OCRL: variants seen among roughly 807,000 people sequenced by gnomAD.
The protein encoded by OCRL is OCRL inositol polyphosphate-5-phosphatase.
Under a neutral mutation model 78.9 loss-of-function variants are expected in OCRL, and 8 were observed. The observed-to-expected ratio is 0.10, with a 90% CI of 0.06 to 0.18. The LOEUF is 0.18. Ranked by LOEUF, OCRL falls within the 10% of genes least tolerant of loss-of-function variation. OCRL has a pLI of 1.00. For missense variants in OCRL, 454 were observed against 696.7 expected (o/e 0.65, Z 3.92); for synonymous variants, 240 against 235.4 (o/e 1.02, Z -0.18).
chrX:129,540,369 G>A lies in OCRL; in HGVS notation c.-71G>A. 1 of 1,073,937 alleles carries A rather than the reference G, an allele frequency of 9.3e-7. No individual in the cohort carries two copies. The highest frequency in any genetic ancestry group is 1.3e-6 in the Non-Finnish European group (1 of 798,993). The allele number at this position is 1,073,937 out of a possible 1,213,427, so 88.5% of individuals were successfully genotyped here. A position where few individuals can be genotyped will look rare whatever the true frequency, so the allele number is the denominator to read the frequency against. On this transcript the variant is annotated 5_prime_UTR_variant, in exon 1 of 24. Transcript: ENST00000371113. Reference sequence around the variant, plus strand: ...ACACGCAGCCGAGGTGGGTGGGTGTGGGGACGCGGGAGCCAGTGTCGTCGG... The same window carrying A: ...ACACGCAGCCGAGGTGGGTGGGTGTAGGGACGCGGGAGCCAGTGTCGTCGG...
chrX:129,570,700 G>A (rs773650351), intron 15 of OCRL, among the ~76,000 whole-genome samples: 27 of 112,494 alleles, frequency 2.4e-4, no homozygotes, highest in African/African-American at 7.7e-4. Flanking sequence ...CTGTGTGGCA[G>A]GGACTATGTG....
intron 18 of OCRL, among the ~76,000 whole-genome samples, chrX:129,580,129 C>T (rs1489268983): frequency 8.9e-6 from 1 of 112,458 alleles, no homozygotes; most frequent in African/African-American, 3.2e-5. Flanking sequence ...ATACATGTAA[C>T]ATTAACATGA....
intron 18 of OCRL, among the ~76,000 whole-genome samples, chrX:129,580,088 A>G (rs1266055746): frequency 8.9e-6 from 1 of 112,632 alleles, no homozygotes; most frequent in Non-Finnish European, 1.9e-5. Context: ...AGAAATCAGA[A>G]TCAGCCTGTT....
At chrX:129,576,743 G>C (rs920739647) in intron 18 of OCRL, among the ~76,000 whole-genome samples, 191 bp downstream of exon 18, 2 of 111,917 alleles carry the variant, frequency 1.8e-5, no homozygotes, top group African/African-American at 6.5e-5. Flanking sequence ...CTAATCTGCA[G>C]TTGGCTCTTG....
rs765519359 is a variant in OCRL at position 129,569,247 on chromosome X, CG to C, written c.1467-16del. ...TGTGTGATATGTTCTCTTTATAACT[CG>C]TTTCTTTACTTACAGTGGGAAATGC... On this transcript the variant is annotated splice_polypyrimidine_tract_variant and intron_variant, in intron 14 of 23. Transcript: ENST00000371113. The C allele has an allele frequency of 3.3e-6, 4 of 1,207,594 alleles. No homozygotes were observed. The African/African-American group carries it at 7.0e-5, about 21-fold the overall frequency.
rs951476139 is a variant in OCRL, at chrX:129,575,265, A to G, written c.1713+15A>G. On this transcript the variant is annotated intron_variant, in intron 16 of 23. Coordinates refer to ENST00000371113, the MANE Select transcript of OCRL (RefSeq NM_000276.4). ...GCAGGAGGGAGGTGAGCAAAAATACATGATCTCCCTGTCTACTGCTCACTG... is the reference window on the plus strand; with the variant it reads ...GCAGGAGGGAGGTGAGCAAAAATACGTGATCTCCCTGTCTACTGCTCACTG... The G allele has an allele frequency of 3.9e-6, 4 of 1,025,645 alleles. No individual in the cohort carries two copies. Among genetic ancestry groups the G allele is most frequent in the Non-Finnish European group, 5.5e-6 (4 of 726,145 alleles). The allele number at this position is 1,025,645 out of a possible 1,213,427, so 84.5% of individuals were successfully genotyped here.
In OCRL at chrX:129,558,828, T is replaced by A; in HGVS notation, c.561-12T>A. ...AACAATTTTACTTTTGAATCTCTCA[T>A]TTATTTGCTAGGCTTCCACGTGAAA... On this transcript the variant is annotated splice_polypyrimidine_tract_variant and intron_variant, in intron 7 of 23. Coordinates refer to ENST00000371113, the MANE Select transcript of OCRL (RefSeq NM_000276.4). 8.2e-7 allele frequency: 1 copy of A among 1,212,178 alleles called. No homozygotes were observed. Among genetic ancestry groups the A allele is most frequent in the Non-Finnish European group, 1.1e-6 (1 of 895,505 alleles).
At chrX:129,586,719 C>A in intron 19 of OCRL, 2 of 432,474 alleles carry the variant, frequency 4.6e-6, no homozygotes, top group Non-Finnish European at 8.7e-6. Context: ...TCAGTGTCAC[C>A]TTTGAAAGGA....
At chrX:129,549,654 G>A (rs1023320143) in intron 4 of OCRL, 3 of 111,965 alleles carry the variant, frequency 2.7e-5, no homozygotes, top group Non-Finnish European at 5.6e-5. Context: ...TTAGAAAGGA[G>A]AAGGCAAAAA....
intron 15 of OCRL, among the ~76,000 whole-genome samples, chrX:129,570,784 A>G (rs1406191349): frequency 8.9e-6 from 1 of 112,554 alleles, no homozygotes; most frequent in Non-Finnish European, 1.9e-5. Flanking sequence ...CTTCAACAAC[A>G]TGGGTTTGAA....
rs1935921173 is a variant in OCRL, at chrX:129,548,610, C to T, written c.238+9C>T. 8.4e-7 allele frequency: 1 copy of T among 1,183,678 alleles called. No individual in the cohort carries two copies. Among genetic ancestry groups the T allele is most frequent in the Non-Finnish European group, 1.1e-6 (1 of 870,540 alleles). On this transcript the variant is annotated intron_variant, in intron 4 of 23. Transcript: ENST00000371113. Reference sequence around the variant, plus strand: ...TGACATAGCTTCTAACAGTGAGTATCTTTCTGAATGTGCTTGATTTTTACT... The same window carrying T: ...TGACATAGCTTCTAACAGTGAGTATTTTTCTGAATGTGCTTGATTTTTACT...
At chrX:129,575,530 G>T (rs1042101575) in intron 16 of OCRL, 41 of 389,294 alleles carry the variant, frequency 1.1e-4, no homozygotes, top group Non-Finnish European at 5.3e-5. Flanking sequence ...CCGGCACATA[G>T]TAAGCCCTCC....
chrX:129,557,885 A>T lies in OCRL; in HGVS notation c.374A>T (p.Glu125Val). The change falls in exon 6 of 24, where the codon GAG becomes GTG. Residue 125 changes from glutamate to valine, a missense_variant. By Grantham distance (121) the Glu-to-Val change is moderately radical. Around this residue, in one of 2 missense-constraint regions of OCRL, gnomAD observed 177 missense variants for 179.6 expected, o/e 0.99. Coordinates refer to ENST00000371113, the MANE Select transcript of OCRL (RefSeq NM_000276.4). ...GCTCAGTCACAGCTTCTTGTTCCAG[A>T]GCAAAAGGACTCATCTAGCTGGTAC... ...QKAQSQLLVP[E>V]QKDSSSWYQK... 1 of 1,202,381 alleles carries T rather than the reference A, an allele frequency of 8.3e-7. No individual in the cohort carries two copies.
At chrX:129,557,221 T>C in intron 4 of OCRL, 104 bp from the exon 5 acceptor site, 1 of 659,798 alleles carries the variant, frequency 1.5e-6, no homozygotes, top group Non-Finnish European at 2.4e-6. Flanking sequence ...TCTGGAATAT[T>C]TGTGATCTGG....
intron 3 of OCRL, among the ~76,000 whole-genome samples, chrX:129,547,322 G>A (rs1935895260): frequency 9.1e-6 from 1 of 109,938 alleles, no homozygotes; most frequent in African/African-American, 3.3e-5. Context: ...TCAGGAGATT[G>A]AGACCATCCT....
At position 129,558,057 on chromosome X, in the gene OCRL, C is replaced by G. The variant is rs956215022; in HGVS notation, c.439+107C>G. 23 of 568,035 alleles carry G rather than the reference C, an allele frequency of 4.0e-5. No homozygotes were observed. In the South Asian group the frequency reaches 4.9e-4, roughly 12 times the overall value. The allele number at this position is 568,035 out of a possible 1,213,427, so 46.8% of individuals were successfully genotyped here. A position where few individuals can be genotyped will look rare whatever the true frequency, so the allele number is the denominator to read the frequency against. On this transcript the variant is annotated intron_variant, in intron 6 of 23. Coordinates refer to ENST00000371113, the MANE Select transcript of OCRL (RefSeq NM_000276.4). ...GATTAAAGCTGATGTCAGACACATTCTCCTGCAGAGTAGTTTTATCAAGTC... is the reference window on the plus strand; with the variant it reads ...GATTAAAGCTGATGTCAGACACATTGTCCTGCAGAGTAGTTTTATCAAGTC...
At chrX:129,540,903 G>A (rs1602763361) in intron 2 of OCRL, 80 bp downstream of exon 2, 1 of 827,743 alleles carries the variant, frequency 1.2e-6, no homozygotes, top group South Asian at 2.0e-5. Context: ...GTCACCCACT[G>A]TCCTCCTACT....
At chrX:129,571,450 C>T (rs1343067408) in intron 15 of OCRL, among the ~76,000 whole-genome samples, 2 of 105,036 alleles carry the variant, frequency 1.9e-5, no homozygotes, top group African/African-American at 7.0e-5. Flanking sequence ...CTGCAAGCTC[C>T]GCCTCCTGGG....
At chrX:129,557,237 C>T (rs2124400976) in intron 4 of OCRL, 88 bp from the exon 5 acceptor site, 1 of 776,046 alleles carries the variant, frequency 1.3e-6, no homozygotes, top group South Asian at 2.2e-5. Flanking sequence ...TCTGGACCTT[C>T]TTCTGTTAAC....
Sources: gnomAD v4.1 joint callset for allele counts (sites outside exome capture counted in the v4.1 genomes callset) on GRCh38, gnomAD v4.1.1 for gene constraint, gnomAD v4.1.1 regional missense constraint, MANE v1.5 for transcripts, NCBI Gene and HGNC (gene_info 2026-07-23, HGNC 2026-07-21) for gene names.